RPSA2: variants seen among roughly 807,000 people sequenced by gnomAD.
The protein encoded by RPSA2 is small ribosomal subunit protein uS2B.
the RPSA2 span, among the ~76,000 whole-genome samples, chr19:23,847,771 A>T: frequency 6.6e-6 from 1 of 152,208 alleles, no homozygotes; most frequent in African/African-American, 2.4e-5. Context: ...TCTCAAACAC[A>T]TAGGACAGAA....
the RPSA2 span, among the ~76,000 whole-genome samples, chr19:23,801,957 T>G: frequency 1.3e-5 from 2 of 152,214 alleles, no homozygotes; most frequent in South Asian, 4.1e-4. Flanking sequence ...TTGATTGTAC[T>G]CGCTGTAACA....
the RPSA2 span, among the ~76,000 whole-genome samples, chr19:23,803,593 A>T: frequency 0.83 from 16,821 of 20,314 alleles, 8,086 homozygotes; most frequent in Middle Eastern, 1. Context: ...ACATTTTTTA[A>T]AAAAAATCAG....
chr19:23,827,996 G>C, the RPSA2 span: 6 of 803,178 alleles, frequency 7.5e-6, no homozygotes, highest in Non-Finnish European at 1.2e-5. Context: ...CTGGTCTGCA[G>C]CTCCCACTGC....
At chr19:23,778,689 A>G in the RPSA2 span, among the ~76,000 whole-genome samples, 1 of 152,048 alleles carries the variant, frequency 6.6e-6, no homozygotes, top group Non-Finnish European at 1.5e-5. Flanking sequence ...ATCCCAGCCC[A>G]CACCGCTTAC....
chr19:23,864,974 C>A, the RPSA2 span, among the ~76,000 whole-genome samples: 1 of 152,164 alleles, frequency 6.6e-6, no homozygotes, highest in African/African-American at 2.4e-5. Flanking sequence ...GCCCTCTGAC[C>A]TATTCTTCCA....
At chr19:23,848,057 T>G in the RPSA2 span, among the ~76,000 whole-genome samples, 3 of 152,180 alleles carry the variant, frequency 2.0e-5, no homozygotes, top group Non-Finnish European at 4.4e-5. Context: ...ACACGCATGT[T>G]TTACAATCAA....
the RPSA2 span, among the ~76,000 whole-genome samples, chr19:23,779,386 C>T: frequency 6.6e-6 from 1 of 152,088 alleles, no homozygotes; most frequent in Non-Finnish European, 1.5e-5. Flanking sequence ...TGATGTATCA[C>T]TGGGCCTAAC....
the RPSA2 span, among the ~76,000 whole-genome samples, chr19:23,850,074 C>A: frequency 6.6e-6 from 1 of 151,880 alleles, no homozygotes; most frequent in African/African-American, 2.4e-5. Context: ...GTATTTATAA[C>A]CCCTAGTAAC....
chr19:23,840,465 T>A, the RPSA2 span, among the ~76,000 whole-genome samples: 291 of 152,200 alleles, frequency 1.9e-3, 1 homozygote, highest in Middle Eastern at 0.017. Context: ...CAGATATCAG[T>A]GAGGGAGAAA....
chr19:23,780,844 T>C, the RPSA2 span, among the ~76,000 whole-genome samples: 40 of 152,300 alleles, frequency 2.6e-4, no homozygotes, highest in African/African-American at 9.6e-4. Flanking sequence ...GTGAAACTTA[T>C]ATTCACACCC....
the RPSA2 span, among the ~76,000 whole-genome samples, chr19:23,805,320 A>T: frequency 7.9e-5 from 12 of 151,898 alleles, no homozygotes; most frequent in Admixed American, 7.9e-4. Flanking sequence ...ATGTGCCACC[A>T]CGCCCTGCTA....
chr19:23,796,633 TACTC>T, the RPSA2 span, among the ~76,000 whole-genome samples: 1 of 152,112 alleles, frequency 6.6e-6, no homozygotes, highest in African/African-American at 2.4e-5. Flanking sequence ...TTGAGCTTCT[TACTC>T]ATCTATTTAG....
At chr19:23,850,947 T>C in the RPSA2 span, among the ~76,000 whole-genome samples, 1 of 152,166 alleles carries the variant, frequency 6.6e-6, no homozygotes, top group Non-Finnish European at 1.5e-5. Context: ...CTGAGGATTG[T>C]AAGGGATTCT....
the RPSA2 span, among the ~76,000 whole-genome samples, chr19:23,869,358 A>G: frequency 5.3e-5 from 8 of 152,294 alleles, no homozygotes; most frequent in East Asian, 1.5e-3. Flanking sequence ...TTATGTACTT[A>G]ATAGTTCTTG....
chr19:23,790,984 A>G, the RPSA2 span, among the ~76,000 whole-genome samples: 1 of 152,172 alleles, frequency 6.6e-6, no homozygotes, highest in East Asian at 1.9e-4. Flanking sequence ...TTCCCAGTGC[A>G]TTGGCTGTGC....
the RPSA2 span, among the ~76,000 whole-genome samples, chr19:23,824,450 G>T: frequency 2.0e-5 from 3 of 151,996 alleles, no homozygotes; most frequent in African/African-American, 4.8e-5. Flanking sequence ...AGGAAAACTT[G>T]TTTTTCACAT....
chr19:23,849,682 GAAATA>G, the RPSA2 span, among the ~76,000 whole-genome samples: 2 of 152,222 alleles, frequency 1.3e-5, no homozygotes, highest in Admixed American at 1.3e-4. Flanking sequence ...CTTCCAATAA[GAAATA>G]AAATAAGTAG....
At chr19:23,768,162 A>T in the RPSA2 span, among the ~76,000 whole-genome samples, 1 of 132,878 alleles carries the variant, frequency 7.5e-6, no homozygotes, top group Non-Finnish European at 1.6e-5. Flanking sequence ...TTTCAGAAAA[A>T]TCTAGTGATA....
At chr19:23,869,309 C>T in the RPSA2 span, among the ~76,000 whole-genome samples, 2 of 152,310 alleles carry the variant, frequency 1.3e-5, no homozygotes, top group African/African-American at 2.4e-5. Flanking sequence ...AGCTGTCTTA[C>T]AACTGAAGCT....
Sources: gnomAD v4.1 joint callset for allele counts (sites outside exome capture counted in the v4.1 genomes callset) on GRCh38, gnomAD v4.1.1 for gene constraint, MANE v1.5 for transcripts, NCBI Gene and HGNC (gene_info 2026-07-23, HGNC 2026-07-21) for gene names.